WDR70: variants seen among roughly 807,000 people sequenced by gnomAD.
WDR70 encodes WD repeat domain 70.
In WDR70, 53 loss-of-function variants were observed where a neutral mutation model predicts 88.6. The observed-to-expected ratio is 0.60, with a 90% CI of 0.48 to 0.75. The LOEUF (loss-of-function observed/expected upper bound fraction) is 0.75, where lower values mean the gene tolerates loss of function less well. Ranked by LOEUF, WDR70 falls within the 30% of genes least tolerant of loss-of-function variation. WDR70 has a pLI of 0.00. For synonymous variants in WDR70, 280 were observed against 270.0 expected, an observed-to-expected ratio of 1.04 and a Z score of -0.36; for missense variants, 610 against 823.2, an observed-to-expected ratio of 0.74 and a Z score of 3.17.
intron 7 of WDR70, among the ~76,000 whole-genome samples, chr5:37,462,359 G>C (rs1309878377): frequency 6.6e-6 from 1 of 152,074 alleles, no homozygotes; most frequent in African/African-American, 2.4e-5. Context: ...CTGTAGTGCG[G>C]TGGCGTGATC....
At chr5:37,667,810 A>G (rs994701265) in intron 10 of WDR70, among the ~76,000 whole-genome samples, 6 of 145,034 alleles carry the variant, frequency 4.1e-5, no homozygotes, top group Non-Finnish European at 9.0e-5. Flanking sequence ...GGTCCAGAGA[A>G]TGTTAGTTCA....
intron 9 of WDR70, among the ~76,000 whole-genome samples, chr5:37,590,685 G>T (rs1428995957): frequency 6.6e-6 from 1 of 152,142 alleles, no homozygotes; most frequent in Non-Finnish European, 1.5e-5. Context: ...AGAGTGATGT[G>T]ATCATAAGCC....
intron 7 of WDR70, among the ~76,000 whole-genome samples, chr5:37,456,958 A>C (rs975048909): frequency 7.2e-5 from 11 of 152,250 alleles, no homozygotes; most frequent in Admixed American, 2.6e-4. Context: ...TTAATAAAGA[A>C]GGAAAAATTA....
chr5:37,397,619 G>T (rs1324245563), intron 5 of WDR70, among the ~76,000 whole-genome samples: 1 of 152,200 alleles, frequency 6.6e-6, no homozygotes, highest in East Asian at 1.9e-4. Flanking sequence ...TCATTGCTTT[G>T]TAAATGTTAT....
At chr5:37,726,762 G>A (rs1747981503) in intron 16 of WDR70, 121 bp from the exon 17 acceptor site, 4 of 1,031,970 alleles carry the variant, frequency 3.9e-6, no homozygotes, top group Non-Finnish European at 5.2e-6. Flanking sequence ...AATCTAAGCT[G>A]AAAGGATGAA....
chr5:37,540,348 G>A (rs1392041830), intron 9 of WDR70, among the ~76,000 whole-genome samples: 2 of 152,084 alleles, frequency 1.3e-5, no homozygotes, highest in African/African-American at 4.8e-5. Flanking sequence ...CTATCCTGCT[G>A]TTATATATAA....
intron 9 of WDR70, among the ~76,000 whole-genome samples, chr5:37,594,526 A>G (rs1164701900): frequency 6.6e-6 from 1 of 152,164 alleles, no homozygotes; most frequent in Non-Finnish European, 1.5e-5. Flanking sequence ...TACCAGTACC[A>G]TGCTGTTTTG....
chr5:37,557,923 A>AAAGAGTACTCTTTTGAAAACTCTTC (rs1189063895), intron 9 of WDR70, among the ~76,000 whole-genome samples: 2 of 135,340 alleles, frequency 1.5e-5, no homozygotes, highest in Non-Finnish European at 3.4e-5. Context: ...AAACTCTTCA[A>AAAGAGTACTCTTTTGAAAACTCTTC]AAGAGTACTC....
chr5:37,401,664 C>G lies in WDR70; in HGVS notation c.492+5094C>G, dbSNP rs183966849. ...TTTGTAGAGGTGGGGGTCTCACCAT[C>G]TTGGCCATGCTGGTCTCACCTGGGC... On this transcript the variant is annotated intron_variant, in intron 5 of 17. Transcript: ENST00000265107. 3.9e-5 allele frequency among the ~76,000 whole-genome samples: 6 copies of G among 152,216 alleles called. No individual in the cohort carries two copies. The East Asian group carries it at 1.2e-3, about 29-fold the overall frequency.
Position 37,522,701 on chromosome 5 carries a change from C to G in WDR70, c.917+6111C>G, listed in dbSNP as rs185700328. Among the ~76,000 whole-genome samples, 493 of 152,264 alleles carry G rather than the reference C, an allele frequency of 3.2e-3. 9 individuals carry two copies. Among genetic ancestry groups the G allele is most frequent in the African/African-American group, 0.011 (477 of 41,552 alleles). ...GCGAGGCATCACCTCACCTGGGAAG[C>G]ACAAGGGGTCAGGGAATTCCCTTTC... On this transcript the variant is annotated intron_variant, in intron 9 of 17. Transcript: ENST00000265107.
At chr5:37,446,488 C>T (rs370666257) in intron 7 of WDR70, among the ~76,000 whole-genome samples, 11 of 152,280 alleles carry the variant, frequency 7.2e-5, no homozygotes, top group Admixed American at 4.6e-4. Flanking sequence ...CCAAGACAAT[C>T]CTAAGCCAAA....
intron 7 of WDR70, among the ~76,000 whole-genome samples, chr5:37,453,681 C>G (rs1738746327): frequency 6.6e-6 from 1 of 152,136 alleles, no homozygotes; most frequent in African/African-American, 2.4e-5. Flanking sequence ...AACACCTTCT[C>G]TTTGACATTT....
At chr5:37,598,508 A>G (rs1279947323) in intron 9 of WDR70, among the ~76,000 whole-genome samples, 1 of 152,200 alleles carries the variant, frequency 6.6e-6, no homozygotes, top group Non-Finnish European at 1.5e-5. Flanking sequence ...TAAAATATCA[A>G]AGCTAGTAAG....
chr5:37,523,265 A>G (rs1392747246), intron 9 of WDR70, among the ~76,000 whole-genome samples: 1 of 152,238 alleles, frequency 6.6e-6, no homozygotes, highest in Non-Finnish European at 1.5e-5. Context: ...ACAGCTGGGT[A>G]CCGCTCTGAG....
At chr5:37,649,746 T>C (rs1745343370) in intron 10 of WDR70, among the ~76,000 whole-genome samples, 1 of 119,418 alleles carries the variant, frequency 8.4e-6, no homozygotes, top group African/African-American at 3.5e-5. Flanking sequence ...TTTTTTTTTT[T>C]TTTTTTTTTG....
chr5:37,501,527 T>C (rs1740405591), intron 8 of WDR70, among the ~76,000 whole-genome samples: 2 of 152,168 alleles, frequency 1.3e-5, no homozygotes, highest in South Asian at 4.1e-4. Context: ...AAAGATCTTG[T>C]AGTATTTTAA....
At chr5:37,546,668 CAGG>C (rs1428427669) in intron 9 of WDR70, among the ~76,000 whole-genome samples, 2 of 152,020 alleles carry the variant, frequency 1.3e-5, no homozygotes, top group Non-Finnish European at 2.9e-5. Flanking sequence ...CCTGTAATCC[CAGG>C]ACTTTGGGAG....
intron 13 of WDR70, among the ~76,000 whole-genome samples, chr5:37,706,206 C>G (rs554007928): frequency 2.6e-5 from 4 of 152,336 alleles, no homozygotes; most frequent in Admixed American, 2.6e-4. Flanking sequence ...TTTCCTTTCT[C>G]TGTTCATTGT....
intron 5 of WDR70, among the ~76,000 whole-genome samples, chr5:37,431,587 C>T (rs893445401): frequency 1.2e-4 from 18 of 152,034 alleles, no homozygotes; most frequent in African/African-American, 3.6e-4. Context: ...TAAAGTTTAC[C>T]GTCTTAACCA....
Sources: gnomAD v4.1 joint callset for allele counts (sites outside exome capture counted in the v4.1 genomes callset) on GRCh38, gnomAD v4.1.1 for gene constraint, MANE v1.5 for transcripts, NCBI Gene and HGNC (gene_info 2026-07-23, HGNC 2026-07-21) for gene names.